The following KIF6 variants were observed in gnomAD, a reference collection of about 807,000 sequenced individuals.
The protein encoded by KIF6 is kinesin family member 6.
In KIF6, 106 loss-of-function variants were observed where a neutral mutation model predicts 112.7. The observed-to-expected ratio is 0.94, with a 90% CI of 0.80 to 1.11. The LOEUF is 1.11. Ranked by LOEUF, KIF6 falls within the 50% of genes least tolerant of loss-of-function variation. The pLI is 0.00. For missense variants in KIF6, 929 were observed against 964.0 expected, an observed-to-expected ratio of 0.96 and a Z score of 0.48; for synonymous variants, 339 against 339.9, an observed-to-expected ratio of 1.00 and a Z score of 0.03.
intron 15 of KIF6, among the ~76,000 whole-genome samples, chr6:39,386,986 T>C (rs1486485068): frequency 6.6e-6 from 1 of 152,158 alleles, no homozygotes; most frequent in Non-Finnish European, 1.5e-5. Context: ...ATTCAAAAGA[T>C]GAGTAGATGA....
intron 3 of KIF6, among the ~76,000 whole-genome samples, chr6:39,702,985 G>A (rs1388535197): frequency 6.6e-6 from 1 of 151,314 alleles, no homozygotes; most frequent in Non-Finnish European, 1.5e-5. Context: ...AAACTCAGGA[G>A]GTGAGCAGTA....
At chr6:39,491,833 G>C (rs1007725940) in intron 13 of KIF6, among the ~76,000 whole-genome samples, 1 of 152,178 alleles carries the variant, frequency 6.6e-6, no homozygotes, top group Admixed American at 6.5e-5. Context: ...GTGAAAAATA[G>C]AGACTGTACC....
intron 13 of KIF6, among the ~76,000 whole-genome samples, chr6:39,441,294 T>C (rs1308318667): frequency 6.6e-6 from 1 of 152,222 alleles, no homozygotes; most frequent in African/African-American, 2.4e-5. Context: ...CTTCCTTTAA[T>C]AGGTGGCTTC....
intron 3 of KIF6, among the ~76,000 whole-genome samples, chr6:39,664,286 CATCA>C (rs887973279): frequency 5.3e-5 from 8 of 152,082 alleles, no homozygotes; most frequent in Non-Finnish European, 1.0e-4. Context: ...TTTCTGGAAA[CATCA>C]ATCAGTCTTA....
At chr6:39,686,604 T>C (rs914013477) in intron 3 of KIF6, among the ~76,000 whole-genome samples, 2 of 152,126 alleles carry the variant, frequency 1.3e-5, no homozygotes, top group African/African-American at 4.8e-5. Context: ...CAAATGAGAT[T>C]CCAGGCAAGC....
chr6:39,529,343 T>A (rs556779943), intron 13 of KIF6, among the ~76,000 whole-genome samples: 2 of 152,248 alleles, frequency 1.3e-5, no homozygotes, highest in South Asian at 4.1e-4. Flanking sequence ...TGCAGAACAA[T>A]GTAAACAACA....
chr6:39,531,753 A>T (rs1284218912), intron 13 of KIF6, among the ~76,000 whole-genome samples: 1 of 151,814 alleles, frequency 6.6e-6, no homozygotes, highest in Non-Finnish European at 1.5e-5. Context: ...TCTGCCCCAG[A>T]TCCCTGTCCA....
At position 39,424,616 on chromosome 6, in the gene KIF6, C is replaced by T. The variant is rs192839267; in HGVS notation, c.1755-4613G>A. On this transcript the variant is annotated intron_variant, in intron 14 of 22. Coordinates refer to ENST00000287152, the MANE Select transcript of KIF6 (RefSeq NM_145027.6). Reference sequence around the variant, plus strand: ...ACCAAATGCCTACCTCACCTCTTAGCGACTGGGTCTCAGGCTCTTCATTTC... The same window carrying T: ...ACCAAATGCCTACCTCACCTCTTAGTGACTGGGTCTCAGGCTCTTCATTTC... 4.3e-4 allele frequency among the ~76,000 whole-genome samples: 65 copies of T among 152,342 alleles called. No individual in the cohort carries two copies. The South Asian group carries it at 0.011, about 27-fold the overall frequency.
Position 39,585,311 on chromosome 6 carries a change from G to A in KIF6, c.991-327C>T, listed in dbSNP as rs186474641. Among the ~76,000 whole-genome samples the A allele has an allele frequency of 2.4e-3, 363 of 152,210 alleles. 3 individuals carry two copies. The highest frequency in any genetic ancestry group is 6.8e-3 in the Middle Eastern group (2 of 294). The stretch of plus-strand genomic sequence containing the variant: ...AAGGAGCGGGCAACCTAGATCCCTC[G>A]CATGTGCAGTTCACAATTGGGTTCA... On this transcript the variant is annotated intron_variant, in intron 8 of 22. Transcript: ENST00000287152.
At chr6:39,539,810 A>G (rs1382021545) in intron 13 of KIF6, among the ~76,000 whole-genome samples, 193 bp downstream of exon 13, 1 of 152,180 alleles carries the variant, frequency 6.6e-6, no homozygotes, top group African/African-American at 2.4e-5. Flanking sequence ...AATTCTGAGA[A>G]AATTCATAGT....
chr6:39,363,400 G>A (rs1765322711), intron 16 of KIF6, among the ~76,000 whole-genome samples: 1 of 152,172 alleles, frequency 6.6e-6, no homozygotes, highest in Admixed American at 6.5e-5. Flanking sequence ...AGGCCCAGGG[G>A]AGGGCTGAGC....
chr6:39,366,384 A>T (rs1428008837), intron 16 of KIF6, among the ~76,000 whole-genome samples: 2 of 152,220 alleles, frequency 1.3e-5, no homozygotes, highest in Non-Finnish European at 2.9e-5. Flanking sequence ...ACAAATGTTT[A>T]TCGAGCATTG....
intron 16 of KIF6, among the ~76,000 whole-genome samples, chr6:39,383,397 C>T (rs2150310448): frequency 6.6e-6 from 1 of 152,210 alleles, no homozygotes; most frequent in East Asian, 1.9e-4. Flanking sequence ...GTTTTCCCAG[C>T]ACCATTTATT....
chr6:39,427,812 A>T (rs1770876647), intron 14 of KIF6, among the ~76,000 whole-genome samples: 1 of 152,212 alleles, frequency 6.6e-6, no homozygotes, highest in South Asian at 2.1e-4. Context: ...TCTACTGTAC[A>T]GAGTTAAGTG....
intron 13 of KIF6, among the ~76,000 whole-genome samples, chr6:39,443,143 ATAATAATAATAAT>A (rs1772045447): frequency 7.1e-6 from 1 of 141,730 alleles, no homozygotes; most frequent in Non-Finnish European, 1.5e-5. Context: ...AATAATAATA[ATAATAATAATAAT>A]AATAAATAAA....
chr6:39,683,397 C>G (rs1787650620), intron 3 of KIF6, among the ~76,000 whole-genome samples: 2 of 152,212 alleles, frequency 1.3e-5, no homozygotes, highest in South Asian at 2.1e-4. Flanking sequence ...ATCAGAATGA[C>G]TGGAGCCATT....
intron 22 of KIF6, among the ~76,000 whole-genome samples, chr6:39,337,083 CCTT>C (rs201003444): frequency 0.035 from 4,269 of 123,318 alleles, 200 homozygotes; most frequent in Non-Finnish European, 0.049. Flanking sequence ...TCCTTTCTTT[CCTT>C]CTTTCCTTTC....
chr6:39,385,702 TG>T (rs1767354035), intron 15 of KIF6, 30 bp from the exon 16 acceptor site: 2 of 1,556,616 alleles, frequency 1.3e-6, no homozygotes, highest in Non-Finnish European at 1.8e-6. Flanking sequence ...AAACTACCAG[TG>T]GGTTTCCAAT....
chr6:39,344,330 T>A (rs1259215603), intron 21 of KIF6, among the ~76,000 whole-genome samples: 3 of 152,152 alleles, frequency 2.0e-5, no homozygotes, highest in Non-Finnish European at 1.5e-5. Context: ...TTTTTCTTTA[T>A]AAATTACCCA....
Sources: allele counts gnomAD v4.1 joint callset (sites outside exome capture counted in the v4.1 genomes callset), GRCh38; gene constraint gnomAD v4.1.1; transcripts MANE v1.5; gene names NCBI Gene and HGNC (gene_info 2026-07-23, HGNC 2026-07-21).